Variants in SATB2 observed in about 807,000 individuals in gnomAD.
SATB2 encodes the protein DNA-binding protein SATB2.
Under a neutral mutation model 73.4 loss-of-function variants are expected in SATB2, and 1 was observed. That is an observed-to-expected ratio of 0.01 (90% confidence interval 0.00 to 0.06). The LOEUF is 0.06. Ranked by LOEUF, SATB2 falls within the 10% of genes least tolerant of loss-of-function variation. The pLI is 1.00. For missense variants in SATB2, 459 were observed against 945.8 expected, an observed-to-expected ratio of 0.49 and a Z score of 6.75; for synonymous variants, 397 against 367.0, an observed-to-expected ratio of 1.08 and a Z score of -0.93.
At chr2:199,392,234 T>G in intron 3 of SATB2, among the ~76,000 whole-genome samples, 1 of 151,858 alleles carries the variant, frequency 6.6e-6, no homozygotes, top group Non-Finnish European at 1.5e-5. Context: ...AGCAGAAAAA[T>G]CAAAATTCCC....
chr2:199,462,781 A>G (rs1040817990), upstream of SATB2, among the ~76,000 whole-genome samples: 2 of 152,012 alleles, frequency 1.3e-5, no homozygotes, highest in Non-Finnish European at 2.9e-5. This position sits in a 1 kb window ranked among gnomAD's most constrained non-coding sequence, Gnocchi z 5.9. Flanking sequence ...TACGCCTCAG[A>G]GGGACGACTG....
chr2:199,300,036 G>T (rs563114763), intron 10 of SATB2, among the ~76,000 whole-genome samples: 1 of 152,038 alleles, frequency 6.6e-6, no homozygotes, highest in Non-Finnish European at 1.5e-5. Flanking sequence ...TATTTATTTT[G>T]CCTCTGTCTT....
At chr2:199,330,863 A>T (rs1445744958) in intron 7 of SATB2, among the ~76,000 whole-genome samples, 11 of 152,158 alleles carry the variant, frequency 7.2e-5, no homozygotes, top group African/African-American at 2.7e-4. Context: ...CATATAAAGG[A>T]TGAGTTGGTC....
At chr2:199,379,297 A>C (rs1689694859) in intron 5 of SATB2, among the ~76,000 whole-genome samples, 1 of 152,230 alleles carries the variant, frequency 6.6e-6, no homozygotes, top group African/African-American at 2.4e-5. Context: ...TCACTAAAAA[A>C]CAGAGTATCA....
At chr2:199,372,474 G>C (rs975774837) in intron 5 of SATB2, among the ~76,000 whole-genome samples, 1 of 152,020 alleles carries the variant, frequency 6.6e-6, no homozygotes, top group Non-Finnish European at 1.5e-5. Flanking sequence ...TCACTTGTTT[G>C]TTTTTCAACT....
At chr2:199,460,112 G>A (rs2105964825), upstream of SATB2, among the ~76,000 whole-genome samples, 1 of 152,114 alleles carries the variant, frequency 6.6e-6, no homozygotes, top group Admixed American at 6.5e-5. This position sits in a 1 kb window ranked among gnomAD's most constrained non-coding sequence, Gnocchi z 4.0. Context: ...TTTAGGCAGC[G>A]TTTGCCTTTC....
chr2:199,399,365 C>T (rs1200338846), intron 3 of SATB2, among the ~76,000 whole-genome samples: 1 of 152,102 alleles, frequency 6.6e-6, no homozygotes, highest in African/African-American at 2.4e-5. Flanking sequence ...ACTATGAATT[C>T]TTGGGAGTGA....
chr2:199,382,046 C>A (rs1689795334), intron 3 of SATB2, among the ~76,000 whole-genome samples: 1 of 152,134 alleles, frequency 6.6e-6, no homozygotes, highest in East Asian at 1.9e-4. Flanking sequence ...ACAATCAGTT[C>A]TTTTATGTTT....
intron 10 of SATB2, among the ~76,000 whole-genome samples, chr2:199,288,874 C>T (rs1294856940): frequency 2.0e-5 from 3 of 152,146 alleles, no homozygotes; most frequent in Non-Finnish European, 4.4e-5. Flanking sequence ...GGGTTTTCGC[C>T]TCAAACCATG....
intron 10 of SATB2, among the ~76,000 whole-genome samples, chr2:199,288,029 C>T (rs960979818): frequency 1.3e-5 from 2 of 152,156 alleles, no homozygotes; most frequent in Admixed American, 6.5e-5. Context: ...ACACCTTCAA[C>T]TAAAATCTAC....
chr2:199,365,044 T>C (rs1298753730), intron 6 of SATB2, among the ~76,000 whole-genome samples: 1 of 151,920 alleles, frequency 6.6e-6, no homozygotes, highest in Non-Finnish European at 1.5e-5. Context: ...GTGTAGAACT[T>C]AGGAAAAAAC....
At chr2:199,338,234 G>A (rs1025372679) in intron 7 of SATB2, among the ~76,000 whole-genome samples, 1 of 152,112 alleles carries the variant, frequency 6.6e-6, no homozygotes, top group Non-Finnish European at 1.5e-5. Flanking sequence ...CATGCATGGT[G>A]ACACATGGCT....
intron 10 of SATB2, among the ~76,000 whole-genome samples, chr2:199,304,192 T>C (rs1311628989): frequency 6.6e-6 from 1 of 152,094 alleles, no homozygotes; most frequent in Non-Finnish European, 1.5e-5. Flanking sequence ...TAAAACGGAG[T>C]TGGTAGTAAT....
chr2:199,309,550 G>T (rs1186477006), intron 9 of SATB2, among the ~76,000 whole-genome samples: 2 of 152,178 alleles, frequency 1.3e-5, no homozygotes, highest in Admixed American at 1.3e-4. Flanking sequence ...TCCCGCAACA[G>T]CCACACCTGC....
intron 10 of SATB2, among the ~76,000 whole-genome samples, chr2:199,304,860 G>A (rs1173511626): frequency 2.6e-5 from 4 of 152,114 alleles, no homozygotes; most frequent in African/African-American, 4.8e-5. Context: ...AGGAAGAACC[G>A]TCTCATTCTC....
chr2:199,402,197 C>T (rs1690501723), intron 3 of SATB2, among the ~76,000 whole-genome samples: 1 of 151,992 alleles, frequency 6.6e-6, no homozygotes, highest in Non-Finnish European at 1.5e-5. Context: ...CCATCCTGGC[C>T]AACATGGTGA....
At chr2:199,443,642 T>C (rs991618719) in intron 2 of SATB2, among the ~76,000 whole-genome samples, 3 of 151,854 alleles carry the variant, frequency 2.0e-5, no homozygotes, top group Non-Finnish European at 4.4e-5. Flanking sequence ...AATAGATGTG[T>C]AGAAAGCAAC....
chr2:199,458,607 G>T (rs1430875594), upstream of SATB2: 1 of 433,224 alleles, frequency 2.3e-6, no homozygotes, highest in East Asian at 8.9e-5. Flanking sequence ...CGGAGGCGGC[G>T]GCGACAAGGC....
At chr2:199,388,936 A>G (rs913023290) in intron 3 of SATB2, among the ~76,000 whole-genome samples, 1 of 152,152 alleles carries the variant, frequency 6.6e-6, no homozygotes, top group Non-Finnish European at 1.5e-5. Flanking sequence ...ATAGCATATA[A>G]TTTTCTGTTG....
Sources: gnomAD v4.1 joint callset for allele counts (sites outside exome capture counted in the v4.1 genomes callset) on GRCh38, gnomAD v4.1.1 for gene constraint, Gnocchi (gnomAD v3.1) non-coding constraint, MANE v1.5 for transcripts, NCBI Gene and HGNC (gene_info 2026-07-23, HGNC 2026-07-21) for gene names.